The following DCLK1 variants were observed in gnomAD, a reference collection of about 807,000 sequenced individuals.
The protein encoded by DCLK1 is doublecortin like kinase 1.
In DCLK1, 16 loss-of-function variants were observed where a neutral mutation model predicts 86.2. The ratio of observed to expected loss-of-function variants is 0.19; its 90% confidence interval spans 0.13 to 0.28. DCLK1 has a LOEUF of 0.28. Among genes scored for constraint, DCLK1 ranks in the 10% least tolerant of loss-of-function variants. The pLI, the probability that DCLK1 is intolerant of heterozygous loss-of-function variation, is 1.00. For missense variants in DCLK1, 590 were observed against 940.2 expected, an observed-to-expected ratio of 0.63 and a Z score of 4.87; for synonymous variants, 369 against 370.5, an observed-to-expected ratio of 1.00 and a Z score of 0.05.
chr13:36,099,672 T>G (rs1419983477), intron 3 of DCLK1, among the ~76,000 whole-genome samples: 2 of 152,212 alleles, frequency 1.3e-5, no homozygotes, highest in Non-Finnish European at 2.9e-5. Flanking sequence ...AAAAGACATT[T>G]ATGTTAAAAA....
chr13:35,847,619 AAAAAAAAG>A, intron 6 of DCLK1: 6 of 622,898 alleles, frequency 9.6e-6, no homozygotes, highest in Non-Finnish European at 9.1e-6. Context: ...GTTTTTAAGC[AAAAAAAAG>A]AAAGAAAGAA....
intron 4 of DCLK1, among the ~76,000 whole-genome samples, chr13:35,873,167 G>A (rs1426341532): frequency 6.6e-6 from 1 of 151,786 alleles, no homozygotes; most frequent in Non-Finnish European, 1.5e-5. Flanking sequence ...GTATGGTGGT[G>A]GGCGCCAGTA....
At chr13:35,793,919 T>A (rs1248949652) in intron 15 of DCLK1, among the ~76,000 whole-genome samples, 1 of 152,210 alleles carries the variant, frequency 6.6e-6, no homozygotes, top group Non-Finnish European at 1.5e-5. Flanking sequence ...AGCTTGGGCT[T>A]CTGCATGGCC....
rs777418883 is a variant in DCLK1, at chr13:35,839,142, G to A, written c.1070C>T (p.Ala357Val). 1.8e-5 allele frequency: 28 copies of A among 1,594,050 alleles called. No homozygotes were observed. Among genetic ancestry groups the A allele is most frequent in the African/African-American group, 2.7e-5 (2 of 74,706 alleles). Residue 357 changes from alanine to valine, a missense_variant, in exon 7 of 17, where the codon GCG (alanine) becomes GTG (valine). Physicochemically the swap from Ala to Val is moderately conservative, Grantham distance 64 (BLOSUM62 0). Around this residue, in one of 6 missense-constraint regions of DCLK1, gnomAD observed 63 missense variants for 64.3 expected, o/e 0.98. Transcript: ENST00000360631. Reference sequence around the variant, plus strand: ...CATCGAGCTGCAGACTTTGGTGGACGCAAGTGACGTAGAGGAGCCGCCATG... The same window carrying A: ...CATCGAGCTGCAGACTTTGGTGGACACAAGTGACGTAGAGGAGCCGCCATG... ...SQHGGSSTSL[A>V]STKVCSSMDE... is the part of the protein sequence containing the mutation.
At chr13:35,784,744 C>G (rs545393192) in intron 16 of DCLK1, among the ~76,000 whole-genome samples, 2 of 152,046 alleles carry the variant, frequency 1.3e-5, no homozygotes, top group Non-Finnish European at 2.9e-5. Flanking sequence ...TGGCTGTCCC[C>G]GGGGACAGCG....
intron 3 of DCLK1, among the ~76,000 whole-genome samples, chr13:36,019,370 T>C (rs1251926155): frequency 6.6e-6 from 1 of 152,166 alleles, no homozygotes; most frequent in African/African-American, 2.4e-5. Context: ...TTTCTCCTTC[T>C]AGCCCCAAAT....
At chr13:36,008,470 G>A (rs1324112909) in intron 3 of DCLK1, among the ~76,000 whole-genome samples, 33 of 114,928 alleles carry the variant, frequency 2.9e-4, no homozygotes, top group East Asian at 8.5e-4. Flanking sequence ...GAGAATATGC[G>A]GTGTTTGGTT....
intron 3 of DCLK1, among the ~76,000 whole-genome samples, chr13:35,982,520 A>T (rs1879711069): frequency 6.7e-6 from 1 of 149,612 alleles, no homozygotes; most frequent in African/African-American, 2.5e-5. Flanking sequence ...TAGTGAAGTC[A>T]GGATACCTAA....
At chr13:35,786,825 A>AAATG (rs1401427291) in intron 16 of DCLK1, among the ~76,000 whole-genome samples, 1 of 152,198 alleles carries the variant, frequency 6.6e-6, no homozygotes, top group African/African-American at 2.4e-5. Flanking sequence ...TAAATTAAAT[A>AAATG]AATGAATGTG....
chr13:35,888,908 C>T (rs763400588), intron 4 of DCLK1, among the ~76,000 whole-genome samples: 21 of 152,174 alleles, frequency 1.4e-4, no homozygotes, highest in Non-Finnish European at 2.5e-4. Context: ...ATTTCTATGA[C>T]AAACTTGGCC....
intron 3 of DCLK1, among the ~76,000 whole-genome samples, chr13:36,040,083 G>A (rs1882646966): frequency 6.6e-6 from 1 of 151,574 alleles, no homozygotes; most frequent in South Asian, 2.1e-4. Flanking sequence ...AAAATTATTA[G>A]AAGAAAACAT....
intron 3 of DCLK1, among the ~76,000 whole-genome samples, chr13:35,961,317 T>A (rs1878446867): frequency 6.6e-6 from 1 of 152,136 alleles, no homozygotes; most frequent in Non-Finnish European, 1.5e-5. Context: ...TGGTGAAACA[T>A]AAACTTCCAA....
intron 3 of DCLK1, among the ~76,000 whole-genome samples, chr13:36,109,942 T>C (rs1167973351): frequency 6.6e-6 from 1 of 152,156 alleles, no homozygotes; most frequent in Non-Finnish European, 1.5e-5. Context: ...AATTAAATAA[T>C]CAGCTGATGG....
intron 3 of DCLK1, among the ~76,000 whole-genome samples, chr13:36,059,741 AC>A (rs757094858): frequency 6.6e-6 from 1 of 151,440 alleles, no homozygotes; most frequent in Non-Finnish European, 1.5e-5. Flanking sequence ...ATAAAAGAAA[AC>A]CCCTCTTGCT....
At chr13:36,067,264 T>C (rs1422455815) in intron 3 of DCLK1, among the ~76,000 whole-genome samples, 1 of 146,178 alleles carries the variant, frequency 6.8e-6, no homozygotes, top group Non-Finnish European at 1.5e-5. Flanking sequence ...TGTAGGGACA[T>C]GGATGAAATT....
intron 16 of DCLK1, among the ~76,000 whole-genome samples, chr13:35,784,969 C>T (rs1313539912): frequency 1.3e-5 from 2 of 152,142 alleles, no homozygotes; most frequent in East Asian, 1.9e-4. Context: ...TTTTAACAAC[C>T]GAGCATGACA....
chr13:35,860,242 T>C (rs950092010), intron 5 of DCLK1, among the ~76,000 whole-genome samples: 24 of 151,978 alleles, frequency 1.6e-4, no homozygotes, highest in Admixed American at 1.0e-3. Context: ...GTGTAGGCTG[T>C]TCATTCCCTA....
In DCLK1 at chr13:35,909,368, C is replaced by T. The variant is rs542685476; in HGVS notation, c.823+37990G>A. ...ACGCTGTACATGTGACACACGCAAA[C>T]ATTAAAAATATGGGTCCTGGTGCCA... is the stretch of plus-strand genomic sequence containing the variant. On this transcript the variant is annotated intron_variant, in intron 4 of 16. Transcript: ENST00000360631. Among the ~76,000 whole-genome samples the T allele has an allele frequency of 7.9e-5, 12 of 152,288 alleles. No individual in the cohort carries two copies. The East Asian group carries it at 1.9e-3, about 25-fold the overall frequency.
intron 5 of DCLK1, among the ~76,000 whole-genome samples, chr13:35,857,873 T>G (rs1237950620): frequency 6.6e-6 from 1 of 152,098 alleles, no homozygotes; most frequent in Non-Finnish European, 1.5e-5. Flanking sequence ...TGAAGAGACT[T>G]AAATAACTAA....
Sources: gnomAD v4.1 joint callset for allele counts (sites outside exome capture counted in the v4.1 genomes callset) on GRCh38, gnomAD v4.1.1 for gene constraint, gnomAD v4.1.1 regional missense constraint, MANE v1.5 for transcripts, NCBI Gene and HGNC (gene_info 2026-07-23, HGNC 2026-07-21) for gene names.